The following ADORA2B variants were observed in gnomAD, a reference collection of about 807,000 sequenced individuals.
The protein encoded by ADORA2B is adenosine receptor A2b.
A neutral mutation model predicts 20.8 loss-of-function variants in ADORA2B; 18 were observed. That is an observed-to-expected ratio of 0.87 (90% CI 0.60 to 1.29). ADORA2B has a LOEUF of 1.29. Among genes scored for constraint, ADORA2B ranks in the 50% most tolerant of loss-of-function variants. The pLI is 0.00. For synonymous variants in ADORA2B, 179 were observed against 178.3 expected, an observed-to-expected ratio of 1.00 and a Z score of -0.03; for missense variants, 441 against 422.7, an observed-to-expected ratio of 1.04 and a Z score of -0.38.
At chr17:15,931,550 A>G in the ADORA2B span, among the ~76,000 whole-genome samples, 1 of 152,224 alleles carries the variant, frequency 6.6e-6, no homozygotes, top group Non-Finnish European at 1.5e-5. Flanking sequence ...CTTAAGATCC[A>G]GCTCTGCTAC....
chr17:15,964,791 G>T (rs754288854), intron 1 of ADORA2B, among the ~76,000 whole-genome samples: 6 of 151,642 alleles, frequency 4.0e-5, no homozygotes, highest in Non-Finnish European at 8.8e-5. Flanking sequence ...GCCGGGCGCG[G>T]TGGCTCACGC....
At chr17:15,933,065 C>T in the ADORA2B span, among the ~76,000 whole-genome samples, 2 of 151,312 alleles carry the variant, frequency 1.3e-5, no homozygotes, top group African/African-American at 4.9e-5. Flanking sequence ...ACACCATTCT[C>T]CTGCCTCAGC....
chr17:15,894,800 C>T, the ADORA2B span, among the ~76,000 whole-genome samples: 6 of 152,084 alleles, frequency 3.9e-5, no homozygotes, highest in African/African-American at 1.4e-4. Flanking sequence ...TTGATTACTC[C>T]ACATCAGGAT....
chr17:15,855,177 C>T, the ADORA2B span, among the ~76,000 whole-genome samples: 11 of 152,186 alleles, frequency 7.2e-5, no homozygotes, highest in East Asian at 3.9e-4. Context: ...GTGATCCACC[C>T]GCCTCGGCCT....
rs1200069861 is a variant in ADORA2B, at chr17:15,975,242, C to CT, written c.903dup (p.His302SerfsTer34). On this transcript the variant is annotated frameshift_variant, in exon 2 of 2. Transcript: ENST00000304222. LOFTEE classifies it high-confidence loss of function. ...TACCGGAACCGAGACTTCCGCTACA[C>CT]TTTTCACAAAATTATCTCCAGGTAT... is the stretch of plus-strand genomic sequence containing the variant. The CT allele has an allele frequency of 6.2e-7, 1 of 1,613,860 alleles. No homozygotes were observed. The highest frequency in any genetic ancestry group is 8.5e-7 in the Non-Finnish European group (1 of 1,180,046).
intron 1 of ADORA2B, among the ~76,000 whole-genome samples, chr17:15,949,931 C>T (rs1597847175): frequency 6.6e-6 from 1 of 152,176 alleles, no homozygotes; most frequent in Non-Finnish European, 1.5e-5. Flanking sequence ...CCAAGAGCTC[C>T]CTCCTTGGGT....
At chr17:15,920,003 C>G in the ADORA2B span, among the ~76,000 whole-genome samples, 1 of 152,086 alleles carries the variant, frequency 6.6e-6, no homozygotes, top group Admixed American at 6.5e-5. Flanking sequence ...TTCCCTAGAC[C>G]AAAGTACCCC....
chr17:15,926,515 G>A, the ADORA2B span, among the ~76,000 whole-genome samples: 1 of 151,912 alleles, frequency 6.6e-6, no homozygotes, highest in Admixed American at 6.6e-5. Flanking sequence ...GGCACAGTAT[G>A]TCCAAAGGCC....
the ADORA2B span, among the ~76,000 whole-genome samples, chr17:15,888,846 A>ATGT: frequency 6.2e-5 from 1 of 16,228 alleles, no homozygotes; most frequent in Non-Finnish European, 9.4e-5. Flanking sequence ...ATATATATAT[A>ATGT]TATATTTTTT....
chr17:15,891,911 G>A, the ADORA2B span, among the ~76,000 whole-genome samples: 1 of 139,590 alleles, frequency 7.2e-6, no homozygotes, highest in African/African-American at 2.7e-5. Context: ...TCAGTGGTAT[G>A]ATCTTGGCTC....
At chr17:15,959,676 T>C (rs1176370151) in intron 1 of ADORA2B, among the ~76,000 whole-genome samples, 1 of 152,124 alleles carries the variant, frequency 6.6e-6, no homozygotes, top group East Asian at 1.9e-4. Flanking sequence ...AATTTTTGTA[T>C]TTTTAGTAGA....
At chr17:15,864,352 T>G in the ADORA2B span, among the ~76,000 whole-genome samples, 1 of 152,242 alleles carries the variant, frequency 6.6e-6, no homozygotes, top group South Asian at 2.1e-4. Flanking sequence ...TATGCAGAGC[T>G]GCATCTCCCT....
chr17:15,890,861 G>A, the ADORA2B span, among the ~76,000 whole-genome samples: 1 of 152,324 alleles, frequency 6.6e-6, no homozygotes, highest in South Asian at 2.1e-4. Flanking sequence ...GGACCCAGGA[G>A]CCTATGTGCA....
the ADORA2B span, among the ~76,000 whole-genome samples, chr17:15,923,354 CCT>C: frequency 6.2e-5 from 9 of 144,862 alleles, no homozygotes; most frequent in Non-Finnish European, 7.6e-5. Flanking sequence ...CCTGCCATTG[CCT>C]CTCTCTCTCT....
the ADORA2B span, among the ~76,000 whole-genome samples, chr17:15,936,236 A>G: frequency 6.6e-5 from 10 of 151,172 alleles, no homozygotes; most frequent in East Asian, 9.7e-4. Context: ...CATCATTTCC[A>G]TCTCTTTTTT....
At chr17:15,908,379 T>A in the ADORA2B span, among the ~76,000 whole-genome samples, 6 of 152,218 alleles carry the variant, frequency 3.9e-5, no homozygotes, top group South Asian at 4.1e-4. Flanking sequence ...TCTTTTCTTT[T>A]AACTCATCAC....
At chr17:15,893,901 A>G in the ADORA2B span, among the ~76,000 whole-genome samples, 1 of 152,234 alleles carries the variant, frequency 6.6e-6, no homozygotes, top group African/African-American at 2.4e-5. Flanking sequence ...AGTTGGTCTC[A>G]GTCACAACTA....
the ADORA2B span, among the ~76,000 whole-genome samples, chr17:15,873,686 C>T: frequency 1.3e-5 from 2 of 152,100 alleles, no homozygotes; most frequent in African/African-American, 4.8e-5. Context: ...AATAAAACCA[C>T]AATGAGAGAC....
At chr17:15,922,472 A>C in the ADORA2B span, among the ~76,000 whole-genome samples, 2 of 152,124 alleles carry the variant, frequency 1.3e-5, no homozygotes, top group Non-Finnish European at 2.9e-5. Flanking sequence ...CTAGTCCCCT[A>C]TGATTAGGGT....
Sources: allele counts gnomAD v4.1 joint callset (sites outside exome capture counted in the v4.1 genomes callset), GRCh38; gene constraint gnomAD v4.1.1; transcripts MANE v1.5; gene names NCBI Gene and HGNC (gene_info 2026-07-23, HGNC 2026-07-21).